Variants in KRT74 observed in about 807,000 individuals in gnomAD.
KRT74 encodes keratin, type II cytoskeletal 74.
A neutral mutation model predicts 42.7 loss-of-function variants in KRT74; 43 were observed. That is an observed-to-expected ratio of 1.01 (90% CI 0.79 to 1.30). KRT74 has a LOEUF of 1.30. KRT74 is among the 50% of genes most tolerant of loss of function. The pLI, the probability that KRT74 is intolerant of heterozygous loss-of-function variation, is 0.00. For synonymous variants in KRT74, 302 were observed against 279.0 expected (o/e 1.08, Z -0.82); for missense variants, 736 against 689.1 (o/e 1.07, Z -0.76).
At position 52,567,059 on chromosome 12, in the gene KRT74, G is replaced by A. The variant is rs753264574; in HGVS notation, c.1500C>T (p.Thr500=). Residue 500 remains threonine (T), a synonymous_variant, in exon 9 of 9, where the codon ACC becomes ACT. Transcript: ENST00000305620. Reference sequence around the variant, plus strand: ...CTCCCCCTCGCGCCTCTGTGGTCTTGGTCTGCCCGCTCTGGGTGCTGCCAG... The same window carrying A: ...CTCCCCCTCGCGCCTCTGTGGTCTTAGTCTGCCCGCTCTGGGTGCTGCCAG... ...GSSGSTQSGQ[T]KTTEARGGDL... 3 of 1,596,442 alleles carry A rather than the reference G, an allele frequency of 1.9e-6. No homozygotes were observed. The East Asian group carries it at 6.7e-5, about 36-fold the overall frequency.
intron 4 of KRT74, 116 bp from the exon 5 acceptor site, chr12:52,570,949 A>G: frequency 8.4e-7 from 1 of 1,190,892 alleles, no homozygotes. Context: ...ACGGGGACAA[A>G]GTAGGGGGAA....
At position 52,572,687 on chromosome 12, in the gene KRT74, A is replaced by G; in HGVS notation, c.472-20T>C. 2 of 1,608,766 alleles carry G rather than the reference A, an allele frequency of 1.2e-6. No individual in the cohort carries two copies. The highest frequency in any genetic ancestry group is 1.7e-6 in the Non-Finnish European group (2 of 1,175,228). On this transcript the variant is annotated intron_variant, in intron 1 of 8. Coordinates refer to ENST00000305620, the MANE Select transcript of KRT74 (RefSeq NM_175053.4). ...GCGTACCTGGAACCCAAATCAACAG[A>G]CACCTGGAACCACAATGGGTGCAGT...
chr12:52,573,739 C>T lies in KRT74; in HGVS notation c.39G>A (p.Lys13=). 1 of 1,613,954 alleles carries T rather than the reference C, an allele frequency of 6.2e-7. No homozygotes were observed. The highest frequency in any genetic ancestry group is 8.5e-7 in the Non-Finnish European group (1 of 1,180,028). ...RQLNIKSSGD[K]GNFSVHSAVV... is the part of the protein sequence containing the mutation. ...CTGCCGAATGCACACTGAAGTTGCCCTTGTCACCACTGGACTTGATGTTCA... is the reference window on the plus strand; with the variant it reads ...CTGCCGAATGCACACTGAAGTTGCCTTTGTCACCACTGGACTTGATGTTCA... Residue 13 remains lysine (K), a synonymous_variant, in exon 1 of 9, where the codon AAG becomes AAA. Transcript: ENST00000305620.
At chr12:52,568,520 AC>A in intron 6 of KRT74, 131 bp from the exon 7 acceptor site, 1 of 921,736 alleles carries the variant, frequency 1.1e-6, no homozygotes, top group Non-Finnish European at 1.7e-6. Flanking sequence ...CAAAGCCAAC[AC>A]CAGAACTTTG....
chr12:52,572,815 A>T, intron 1 of KRT74, 148 bp from the exon 2 acceptor site: 2 of 758,702 alleles, frequency 2.6e-6, no homozygotes, highest in East Asian at 5.4e-5. Flanking sequence ...TTCCACACAA[A>T]CTAGATCCTT....
intron 1 of KRT74, 50 bp from the exon 2 acceptor site, chr12:52,572,717 C>A (rs199877173): frequency 6.5e-7 from 1 of 1,532,566 alleles, no homozygotes; most frequent in Non-Finnish European, 9.0e-7. Context: ...TGCAGTCATG[C>A]CCCCTGGACA....
In KRT74 at chr12:52,566,762, C is replaced by T. The variant is rs188022658; in HGVS notation, c.*207G>A. On this transcript the variant is annotated 3_prime_UTR_variant, in exon 9 of 9. Coordinates refer to ENST00000305620, the MANE Select transcript of KRT74 (RefSeq NM_175053.4). Reference sequence around the variant, plus strand: ...AAAGGCAGCGAGGAAAATGAGAAGTCGTTAGTCCACATGGGACCTAAGGAA... The same window carrying T: ...AAAGGCAGCGAGGAAAATGAGAAGTTGTTAGTCCACATGGGACCTAAGGAA... 2.9e-5 allele frequency: 13 copies of T among 444,414 alleles called. No homozygotes were observed. Among genetic ancestry groups the T allele is most frequent in the African/African-American group, 1.2e-4 (6 of 51,128 alleles). The allele number at this position is 444,414 out of a possible 1,614,324, so 27.5% of individuals were successfully genotyped here.
intron 1 of KRT74, among the ~76,000 whole-genome samples, 168 bp downstream of exon 1, chr12:52,573,135 TATTC>T (rs1244249903): frequency 6.6e-6 from 1 of 152,196 alleles, no homozygotes; most frequent in Non-Finnish European, 1.5e-5. Context: ...TATATTCATG[TATTC>T]CTTTGTCCTC....
chr12:52,567,577 T>G, intron 8 of KRT74, 82 bp downstream of exon 8: 16 of 1,000,418 alleles, frequency 1.6e-5, no homozygotes, highest in Non-Finnish European at 2.3e-5. Context: ...TCTTGGGAGG[T>G]GAGACAGTAA....
At chr12:52,567,535 C>T in intron 8 of KRT74, 124 bp downstream of exon 8, 1 of 808,012 alleles carries the variant, frequency 1.2e-6, no homozygotes, top group South Asian at 1.4e-5. Context: ...CCTTTGAAGC[C>T]CAGAAACCTT....
chr12:52,572,018 G>C lies in KRT74; in HGVS notation c.687-14C>G, dbSNP rs757288514. 7 of 1,577,618 alleles carry C rather than the reference G, an allele frequency of 4.4e-6. No individual in the cohort carries two copies. The East Asian group carries it at 1.6e-4, about 35-fold the overall frequency. ...TCCACTTCATATCTGCCAGCAGGGAGAGTAGATGGCCTTAGCCCCCTTAGC... is the reference window on the plus strand; with the variant it reads ...TCCACTTCATATCTGCCAGCAGGGACAGTAGATGGCCTTAGCCCCCTTAGC... On this transcript the variant is annotated splice_polypyrimidine_tract_variant and intron_variant, in intron 2 of 8. Coordinates refer to ENST00000305620, the MANE Select transcript of KRT74 (RefSeq NM_175053.4).
In KRT74 at chr12:52,566,817, T is replaced by TCGG; in HGVS notation, c.*151_*152insCCG. On this transcript the variant is annotated 3_prime_UTR_variant, in exon 9 of 9. Coordinates refer to ENST00000305620, the MANE Select transcript of KRT74 (RefSeq NM_175053.4). Reference sequence around the variant, plus strand: ...GGAAGGTGACTGTGTCAATCAGAGCTTGAAAGTAAAAGCTAAACCACGATG... The same window carrying TCGG: ...GGAAGGTGACTGTGTCAATCAGAGCTCGGTGAAAGTAAAAGCTAAACCACGATG... 43 of 587,248 alleles carry TCGG rather than the reference T, an allele frequency of 7.3e-5. No homozygotes were observed. Among genetic ancestry groups the TCGG allele is most frequent in the Admixed American group, 2.8e-4 (11 of 38,910 alleles). 36.4% of individuals were successfully genotyped at this position (587,248 alleles called of 1,614,324 possible).
At chr12:52,572,126 GC>G in intron 2 of KRT74, 122 bp from the exon 3 acceptor site, 1 of 807,510 alleles carries the variant, frequency 1.2e-6, no homozygotes, top group Non-Finnish European at 2.2e-6. Flanking sequence ...GCAGTAAGAG[GC>G]TAGTGACAGG....
chr12:52,567,622 GC>G, intron 8 of KRT74, 36 bp downstream of exon 8: 1 of 1,545,798 alleles, frequency 6.5e-7, no homozygotes, highest in Non-Finnish European at 8.9e-7. Flanking sequence ...AGGGTCCCTG[GC>G]TTTCCCAACC....
chr12:52,572,515 G>A lies in KRT74; in HGVS notation c.624C>T (p.Asp208=), dbSNP rs754779416. ...LRKQLETLSG[D]RVRLDSELRS... Reference sequence around the variant, plus strand: ...TCAGCTCCGAGTCCAGCCTCACCCTGTCCCCAGACAGTGTCTCCAGCTGCT... The same window carrying A: ...TCAGCTCCGAGTCCAGCCTCACCCTATCCCCAGACAGTGTCTCCAGCTGCT... The change falls in exon 2 of 9, where the codon GAC becomes GAT. Residue 208 remains aspartate, a synonymous_variant. Transcript: ENST00000305620. 4 of 1,614,168 alleles carry A rather than the reference G, an allele frequency of 2.5e-6. No individual in the cohort carries two copies. In the South Asian group the frequency reaches 3.3e-5, roughly 13 times the overall value.
intron 6 of KRT74, among the ~76,000 whole-genome samples, chr12:52,569,266 A>AC (rs200527901): frequency 9.4e-5 from 7 of 74,842 alleles, no homozygotes; most frequent in Admixed American, 5.3e-4. Context: ...CCCCACCCCC[A>AC]CCCCCCCGCC....
At position 52,570,031 on chromosome 12, in the gene KRT74, G is replaced by A. The variant is rs143919066; in HGVS notation, c.1009-47C>T. 1,348 of 1,610,010 alleles carry A rather than the reference G, an allele frequency of 8.4e-4. 14 individuals are homozygous for A. In the African/African-American group the frequency reaches 0.016, roughly 20 times the overall value. On this transcript the variant is annotated intron_variant, in intron 5 of 8. Transcript: ENST00000305620. ...GTTGGTGATGAGACAAGGGCACTGGGGAAGGGTCCTGTAAATAAGCCACCC... is the reference window on the plus strand; with the variant it reads ...GTTGGTGATGAGACAAGGGCACTGGAGAAGGGTCCTGTAAATAAGCCACCC...
At chr12:52,567,822 T>A (rs889688584) in intron 7 of KRT74, 129 bp from the exon 8 acceptor site, 64 of 755,150 alleles carry the variant, frequency 8.5e-5, no homozygotes, top group South Asian at 4.7e-4. Context: ...ACTGACACTA[T>A]CGCCTTCATC....
intron 6 of KRT74, among the ~76,000 whole-genome samples, chr12:52,569,142 C>T (rs1369795723): frequency 2.0e-5 from 3 of 152,138 alleles, no homozygotes; most frequent in Admixed American, 1.3e-4. Flanking sequence ...AATTCTATCA[C>T]TAGCAGAGCA....
Sources: gnomAD v4.1 joint callset for allele counts (sites outside exome capture counted in the v4.1 genomes callset) on GRCh38, gnomAD v4.1.1 for gene constraint, MANE v1.5 for transcripts, NCBI Gene and HGNC (gene_info 2026-07-23, HGNC 2026-07-21) for gene names.